Variants in IQGAP1 observed in about 807,000 individuals in gnomAD.
IQGAP1 encodes IQ motif containing GTPase activating protein 1, also known as ras GTPase-activating-like protein IQGAP1.
A neutral mutation model predicts 215.6 loss-of-function variants in IQGAP1; 66 were observed. That is an observed-to-expected ratio of 0.31 (90% CI 0.25 to 0.38). The LOEUF is 0.38. IQGAP1 is among the 10% of genes least tolerant of loss of function. The pLI, the probability that IQGAP1 is intolerant of heterozygous loss-of-function variation, is 1.00. For synonymous variants in IQGAP1, 772 were observed against 728.7 expected (o/e 1.06, Z -0.96); for missense variants, 1,712 against 1,997.1 (o/e 0.86, Z 2.72).
Position 90,448,645 on chromosome 15 carries a change from A to C in IQGAP1, c.986A>C (p.Gln329Pro). 6.2e-7 allele frequency: 1 copy of C among 1,612,518 alleles called. No individual in the cohort carries two copies. ...GCACTGGCCTTGTTCAGGGCTCTGCAGTCACCAGCCCTGGGGCTTCGAGGA... is the reference window on the plus strand; with the variant it reads ...GCACTGGCCTTGTTCAGGGCTCTGCCGTCACCAGCCCTGGGGCTTCGAGGA... ...GDALALFRAL[Q>P]SPALGLRGLQ... Residue 329 changes from glutamine (Q) to proline (P), a missense_variant, in exon 10 of 38, where the codon CAG becomes CCG. By Grantham distance (76) the Gln-to-Pro change is moderately conservative. Transcript: ENST00000268182.
At chr15:90,394,980 C>T (rs1051210970) in intron 2 of IQGAP1, among the ~76,000 whole-genome samples, 3 of 152,148 alleles carry the variant, frequency 2.0e-5, no homozygotes, top group Non-Finnish European at 4.4e-5. Context: ...TGTAGAGAGA[C>T]GAAAGTTTTC....
At chr15:90,474,319 T>C (rs1965948324) in intron 22 of IQGAP1, 166 bp from the exon 23 acceptor site, 3 of 752,736 alleles carry the variant, frequency 4.0e-6, no homozygotes, top group Non-Finnish European at 6.5e-6. Flanking sequence ...TTAACCTTTA[T>C]CATAACATAG....
At chr15:90,421,181 T>TA (rs1965130216) in intron 2 of IQGAP1, among the ~76,000 whole-genome samples, 2 of 148,256 alleles carry the variant, frequency 1.3e-5, no homozygotes, top group African/African-American at 5.0e-5. Flanking sequence ...GCTAAATTTA[T>TA]AAAAAAGCTA....
rs574125008 is a variant in IQGAP1 at position 90,420,933 on chromosome 15, A to G, written c.156-5177A>G. On this transcript the variant is annotated intron_variant, in intron 2 of 37. Coordinates refer to ENST00000268182, the MANE Select transcript of IQGAP1 (RefSeq NM_003870.4). Reference sequence around the variant, plus strand: ...TTTGGGAGGCCAAGGTGGGCGGATCACTTGAGGTCAGGAGTTCAAGGCCAG... The same window carrying G: ...TTTGGGAGGCCAAGGTGGGCGGATCGCTTGAGGTCAGGAGTTCAAGGCCAG... Among the ~76,000 whole-genome samples, 14 of 152,182 alleles carry G rather than the reference A, an allele frequency of 9.2e-5. 1 individual carries two copies. Among genetic ancestry groups the G allele is most frequent in the African/African-American group, 3.4e-4 (14 of 41,502 alleles).
chr15:90,483,903 A>G (rs1027633738), intron 29 of IQGAP1, among the ~76,000 whole-genome samples: 2 of 152,262 alleles, frequency 1.3e-5, no homozygotes, highest in Admixed American at 1.3e-4. Context: ...GTAAATTAAC[A>G]TCTAGTTTTG....
intron 29 of IQGAP1, among the ~76,000 whole-genome samples, chr15:90,483,987 TGGTGCAATG>T (rs1277797391): frequency 6.6e-6 from 1 of 152,226 alleles, no homozygotes; most frequent in Admixed American, 6.5e-5. Context: ...TTTTAAGTCA[TGGTGCAATG>T]GTTCTTATGG....
chr15:90,428,852 C>T (rs1041747995), intron 3 of IQGAP1, among the ~76,000 whole-genome samples: 31 of 151,918 alleles, frequency 2.0e-4, no homozygotes, highest in African/African-American at 7.0e-4. Flanking sequence ...AGAATGAAAG[C>T]CCTGATTGAT....
rs377261434 is a variant in IQGAP1 at position 90,474,149 on chromosome 15, C to T, written c.2575+16C>T. The T allele has an allele frequency of 2.2e-5, 35 of 1,599,390 alleles. No homozygotes were observed. The highest frequency in any genetic ancestry group is 5.4e-5 in the African/African-American group (4 of 74,238). The stretch of plus-strand genomic sequence containing the variant: ...AAGACTCTCAGTGAGTAACTGGCTC[C>T]GCATGAAGAGTTGAGGCAGTGGCTG... On this transcript the variant is annotated intron_variant, in intron 22 of 37. Coordinates refer to ENST00000268182, the MANE Select transcript of IQGAP1 (RefSeq NM_003870.4).
chr15:90,445,673 T>G (rs1000728585), intron 9 of IQGAP1, among the ~76,000 whole-genome samples: 1 of 152,196 alleles, frequency 6.6e-6, no homozygotes, highest in Admixed American at 6.5e-5. Context: ...TCAGGCTTAA[T>G]CTTGTTTTGC....
chr15:90,499,046 G>C (rs1170861795), intron 37 of IQGAP1, among the ~76,000 whole-genome samples: 1 of 152,172 alleles, frequency 6.6e-6, no homozygotes, highest in Admixed American at 6.5e-5. Flanking sequence ...TCTAACTCGT[G>C]ACTTCGTGAT....
At chr15:90,403,712 T>C (rs956187656) in intron 2 of IQGAP1, among the ~76,000 whole-genome samples, 3 of 152,210 alleles carry the variant, frequency 2.0e-5, no homozygotes, top group African/African-American at 7.2e-5. Context: ...CTTGCTCTGT[T>C]GCCCAGGCTG....
At chr15:90,454,621 C>A in intron 14 of IQGAP1, 69 bp downstream of exon 14, 1 of 1,443,854 alleles carries the variant, frequency 6.9e-7, no homozygotes. Flanking sequence ...TGAAGTGGTT[C>A]AAAATACTAC....
chr15:90,470,937 A>G (rs920731106), intron 18 of IQGAP1, among the ~76,000 whole-genome samples: 2 of 151,864 alleles, frequency 1.3e-5, no homozygotes, highest in South Asian at 2.1e-4. Flanking sequence ...CTCTGCTTGA[A>G]TTATACAAAG....
chr15:90,418,564 G>A (rs1253286315), intron 2 of IQGAP1, among the ~76,000 whole-genome samples: 1 of 151,544 alleles, frequency 6.6e-6, no homozygotes. Flanking sequence ...ACTCCAGACT[G>A]GGTGGCAGAG....
At chr15:90,458,725 A>G (rs1163024473) in intron 15 of IQGAP1, among the ~76,000 whole-genome samples, 1 of 152,174 alleles carries the variant, frequency 6.6e-6, no homozygotes, top group Non-Finnish European at 1.5e-5. Flanking sequence ...AGAGCCAACT[A>G]CTTCTTATCC....
intron 2 of IQGAP1, among the ~76,000 whole-genome samples, chr15:90,423,373 A>G (rs1965175781): frequency 6.6e-6 from 1 of 152,142 alleles, no homozygotes; most frequent in Non-Finnish European, 1.5e-5. Context: ...ATCTGAGACT[A>G]TAGGTGCACA....
At chr15:90,498,356 CAAA>C (rs10708658) in intron 37 of IQGAP1, among the ~76,000 whole-genome samples, 8 of 146,564 alleles carry the variant, frequency 5.5e-5, no homozygotes, top group Non-Finnish European at 3.0e-5. Context: ...GTACTTCCAC[CAAA>C]AAAAAAAAAA....
intron 5 of IQGAP1, among the ~76,000 whole-genome samples, chr15:90,437,486 T>TA (rs984117049): frequency 1.3e-5 from 2 of 152,056 alleles, no homozygotes; most frequent in Admixed American, 1.3e-4. Flanking sequence ...GAAAAATATA[T>TA]AAAAAATATA....
At chr15:90,391,725 TGTG>T (rs1448531565) in intron 2 of IQGAP1, 9 of 152,238 alleles carry the variant, frequency 5.9e-5, no homozygotes, top group South Asian at 2.1e-4. Flanking sequence ...CCCACAACCT[TGTG>T]GTCTTAATTT....
Sources: allele counts gnomAD v4.1 joint callset (sites outside exome capture counted in the v4.1 genomes callset), GRCh38; gene constraint gnomAD v4.1.1; transcripts MANE v1.5; gene names NCBI Gene and HGNC (gene_info 2026-07-23, HGNC 2026-07-21).